The following SLC24A2 variants were observed in gnomAD, a reference collection of about 807,000 sequenced individuals.
SLC24A2 encodes the protein solute carrier family 24 member 2, also known as sodium/potassium/calcium exchanger 2.
In SLC24A2, 36 loss-of-function variants were observed where a neutral mutation model predicts 62.0. That is an observed-to-expected ratio of 0.58 (90% CI 0.44 to 0.77). SLC24A2 has a LOEUF of 0.77. Ranked by LOEUF, SLC24A2 falls within the 30% of genes least tolerant of loss-of-function variation. The pLI is 0.00. For missense variants in SLC24A2, 846 were observed against 817.9 expected, an observed-to-expected ratio of 1.03 and a Z score of -0.42; for synonymous variants, 358 against 294.0, an observed-to-expected ratio of 1.22 and a Z score of -2.23.
chr9:19,939,598 C>T, the SLC24A2 span, among the ~76,000 whole-genome samples: 1 of 152,176 alleles, frequency 6.6e-6, no homozygotes, highest in Non-Finnish European at 1.5e-5. Context: ...TAGGACATTA[C>T]TGTAAACAAC....
chr9:20,001,773 G>T, the SLC24A2 span, among the ~76,000 whole-genome samples: 1 of 152,080 alleles, frequency 6.6e-6, no homozygotes, highest in African/African-American at 2.4e-5. Flanking sequence ...TCTGGTTAAA[G>T]GTTGCCTCTC....
intron 2 of SLC24A2, among the ~76,000 whole-genome samples, chr9:19,775,653 A>G (rs1480488440): frequency 6.6e-6 from 1 of 152,222 alleles, no homozygotes; most frequent in Non-Finnish European, 1.5e-5. Flanking sequence ...CTGAAATGCT[A>G]AATAAATTAA....
At chr9:20,192,741 G>C in the SLC24A2 span, among the ~76,000 whole-genome samples, 1 of 152,164 alleles carries the variant, frequency 6.6e-6, no homozygotes, top group Admixed American at 6.5e-5. Flanking sequence ...CTCTGGGCCT[G>C]GGGCCTGGGC....
the SLC24A2 span, among the ~76,000 whole-genome samples, chr9:20,236,958 GA>G: frequency 6.6e-6 from 1 of 151,854 alleles, no homozygotes; most frequent in African/African-American, 2.4e-5. Flanking sequence ...CCAGATCAAT[GA>G]AGGATGGAGG....
intron 9 of SLC24A2, 65 bp from the exon 10 acceptor site, chr9:19,521,125 A>C (rs1223724025): frequency 1.4e-6 from 2 of 1,463,920 alleles, no homozygotes; most frequent in African/African-American, 1.4e-5. Flanking sequence ...AAATCACAAA[A>C]ATTTCAATGC....
chr9:19,549,422 G>A (rs1834735539), intron 8 of SLC24A2, among the ~76,000 whole-genome samples: 1 of 152,160 alleles, frequency 6.6e-6, no homozygotes, highest in African/African-American at 2.4e-5. Context: ...TTGGTCAATA[G>A]GGCATAGCAG....
chr9:20,303,570 G>A, the SLC24A2 span, among the ~76,000 whole-genome samples: 1 of 152,078 alleles, frequency 6.6e-6, no homozygotes, highest in African/African-American at 2.4e-5. Flanking sequence ...TACAGCCAGG[G>A]ATACTTCCAA....
At chr9:19,660,083 C>A (rs934398298) in intron 2 of SLC24A2, among the ~76,000 whole-genome samples, 3 of 152,176 alleles carry the variant, frequency 2.0e-5, no homozygotes, top group Admixed American at 6.5e-5. Context: ...AGATGCAGGT[C>A]TGAACGTTTT....
intron 1 of SLC24A2, chr9:19,788,517 G>T (rs575207292): frequency 1.0e-6 from 1 of 985,328 alleles, no homozygotes. Flanking sequence ...TAAATCTAAA[G>T]GACAGACGCC....
In SLC24A2 at chr9:19,508,177, T is replaced by C. The variant is rs1832574555; in HGVS notation, c.*7976A>G. 6.6e-6 allele frequency: 1 copy of C among 152,138 alleles called. No individual in the cohort carries two copies. Among genetic ancestry groups the C allele is most frequent in the Non-Finnish European group, 1.5e-5 (1 of 68,026 alleles). 9.4% of individuals were successfully genotyped at this position (152,138 alleles called of 1,614,324 possible). On this transcript the variant is annotated 3_prime_UTR_variant, in exon 11 of 11. Coordinates refer to ENST00000341998, the MANE Select transcript of SLC24A2 (RefSeq NM_020344.4). ...AGTTTTTTGACTTGAGCAGAAGAAA[T>C]ATCAAGGCTAGATGCAGGGTATATA...
At chr9:20,000,951 T>C in the SLC24A2 span, among the ~76,000 whole-genome samples, 2 of 152,170 alleles carry the variant, frequency 1.3e-5, no homozygotes, top group Non-Finnish European at 2.9e-5. Flanking sequence ...AGAAGGGTCA[T>C]CTGACCCTAA....
chr9:19,810,522 T>C, the SLC24A2 span, among the ~76,000 whole-genome samples: 3 of 152,122 alleles, frequency 2.0e-5, no homozygotes, highest in East Asian at 5.8e-4. Context: ...CTGGAGGAAA[T>C]GGGTTCCCAC....
chr9:19,812,782 CA>C, the SLC24A2 span, among the ~76,000 whole-genome samples: 1 of 6,582 alleles, frequency 1.5e-4, no homozygotes, highest in African/African-American at 1.7e-4. Flanking sequence ...AAGTATTCAC[CA>C]TTTTTTTTTG....
chr9:20,179,925 G>C, the SLC24A2 span, among the ~76,000 whole-genome samples: 34 of 152,092 alleles, frequency 2.2e-4, no homozygotes, highest in Non-Finnish European at 4.3e-4. Context: ...TTTTTCCTAA[G>C]ATGACATTAA....
At chr9:19,758,395 C>T (rs1043736240) in intron 2 of SLC24A2, among the ~76,000 whole-genome samples, 12 of 152,118 alleles carry the variant, frequency 7.9e-5, no homozygotes, top group Non-Finnish European at 1.3e-4. Context: ...ATGAATAGGA[C>T]GTCAGCCCTT....
chr9:19,780,667 C>T (rs1822988436), intron 2 of SLC24A2, among the ~76,000 whole-genome samples: 1 of 151,242 alleles, frequency 6.6e-6, no homozygotes, highest in Admixed American at 6.6e-5. Flanking sequence ...AGGTGGATCA[C>T]GAGGTCAGGA....
At chr9:20,249,914 C>A in the SLC24A2 span, among the ~76,000 whole-genome samples, 1 of 152,122 alleles carries the variant, frequency 6.6e-6, no homozygotes, top group Non-Finnish European at 1.5e-5. Context: ...GATTCTCCTC[C>A]TGGTTTCATA....
the SLC24A2 span, among the ~76,000 whole-genome samples, chr9:20,061,224 G>C: frequency 6.6e-6 from 1 of 151,250 alleles, no homozygotes; most frequent in Admixed American, 6.6e-5. Context: ...TTCATATAAA[G>C]ATAGACCTAT....
At chr9:20,081,397 A>C in the SLC24A2 span, among the ~76,000 whole-genome samples, 1 of 146,300 alleles carries the variant, frequency 6.8e-6, no homozygotes, top group Non-Finnish European at 1.5e-5. Context: ...CAAACACCGC[A>C]TGTTCTCACT....
Sources: gnomAD v4.1 joint callset for allele counts (sites outside exome capture counted in the v4.1 genomes callset) on GRCh38, gnomAD v4.1.1 for gene constraint, MANE v1.5 for transcripts, NCBI Gene and HGNC (gene_info 2026-07-23, HGNC 2026-07-21) for gene names.